INPP4A: variants seen among roughly 807,000 people sequenced by gnomAD.
INPP4A encodes the protein inositol polyphosphate-4-phosphatase type I A, also known as inositol polyphosphate-4-phosphatase, type I, 107kD.
A neutral mutation model predicts 119.8 loss-of-function variants in INPP4A; 33 were observed. The ratio of observed to expected loss-of-function variants is 0.28; its 90% confidence interval spans 0.21 to 0.37. INPP4A has a LOEUF of 0.37. Ranked by LOEUF, INPP4A falls within the 10% of genes least tolerant of loss-of-function variation. The probability of loss-of-function intolerance (pLI) is 1.00; values close to 1 mark genes in which losing one functional copy is unlikely to be tolerated. For synonymous variants in INPP4A, 496 were observed against 500.7 expected, an observed-to-expected ratio of 0.99 and a Z score of 0.12; for missense variants, 956 against 1,289.9, an observed-to-expected ratio of 0.74 and a Z score of 3.97.
chr2:98,482,019 A>G (rs1228397767), intron 1 of INPP4A, among the ~76,000 whole-genome samples: 3 of 152,362 alleles, frequency 2.0e-5, no homozygotes, highest in East Asian at 1.9e-4. Flanking sequence ...CACACCTGTA[A>G]TCCCAGTTTT....
At chr2:98,508,574 G>A (rs561067251) in intron 1 of INPP4A, among the ~76,000 whole-genome samples, 32 of 152,288 alleles carry the variant, frequency 2.1e-4, no homozygotes, top group African/African-American at 7.5e-4. Flanking sequence ...CTTTGATGAG[G>A]GGGTTGAAAT....
In INPP4A at chr2:98,569,554, C is replaced by CA. The variant is rs1697084531; in HGVS notation, c.2518+889dup. On this transcript the variant is annotated intron_variant, in intron 22 of 24. Transcript: ENST00000409851. This position sits in a 1 kb window ranked among gnomAD's most constrained non-coding sequence, Gnocchi z 5.1. ...GTAGACCTTAGAGTTTAGAGATAGT[C>CA]AAACAGTACTGCTGGTGAACCTTCA... is the stretch of plus-strand genomic sequence containing the variant. 6.6e-6 allele frequency: 1 copy of CA among 152,354 alleles called. No individual in the cohort carries two copies. The highest frequency in any genetic ancestry group is 1.9e-4 in the East Asian group (1 of 5,188). The allele number at this position is 152,354 out of a possible 1,614,324, so 9.4% of individuals were successfully genotyped here.
intron 1 of INPP4A, among the ~76,000 whole-genome samples, chr2:98,461,915 C>G (rs1033841186): frequency 2.0e-5 from 3 of 152,238 alleles, no homozygotes; most frequent in Non-Finnish European, 2.9e-5. Context: ...TCTTTCCAGC[C>G]TGTGCTTCAC....
intron 13 of INPP4A, among the ~76,000 whole-genome samples, chr2:98,551,925 C>T (rs1575047865): frequency 6.6e-6 from 1 of 152,138 alleles, no homozygotes; most frequent in Non-Finnish European, 1.5e-5. Flanking sequence ...TTATCATCAC[C>T]GTTTAGTTGG....
chr2:98,572,941 A>T lies in INPP4A; in HGVS notation c.2631+14A>T, dbSNP rs1437545060. 1 of 1,549,976 alleles carries T rather than the reference A, an allele frequency of 6.5e-7. No individual in the cohort carries two copies. The highest frequency in any genetic ancestry group is 1.9e-5 in the Admixed American group (1 of 52,272). ...CAAGCTGCTGAGGTACTGGTTACAG[A>T]GAGGAAAAGGAGGCTATTGCGGTGC... On this transcript the variant is annotated intron_variant, in intron 23 of 24. Transcript: ENST00000409851.
At chr2:98,539,716 G>A in intron 10 of INPP4A, 41 bp downstream of exon 10, 8 of 1,575,556 alleles carry the variant, frequency 5.1e-6, no homozygotes, top group Non-Finnish European at 6.9e-6. Flanking sequence ...TCATACCCAT[G>A]TCATGTGCCC....
chr2:98,454,390 GT>G (rs1695739281), intron 1 of INPP4A, among the ~76,000 whole-genome samples: 1 of 152,104 alleles, frequency 6.6e-6, no homozygotes, highest in South Asian at 2.1e-4. Flanking sequence ...GTCTGTGTTT[GT>G]TTTTTGGGGG....
intron 4 of INPP4A, among the ~76,000 whole-genome samples, chr2:98,530,317 A>G (rs1243974889): frequency 6.6e-6 from 1 of 152,130 alleles, no homozygotes; most frequent in African/African-American, 2.4e-5. Flanking sequence ...GGTTCCCAAG[A>G]GAAAGGCCAA....
intron 11 of INPP4A, 45 bp from the exon 12 acceptor site, chr2:98,545,924 G>T: frequency 7.3e-7 from 1 of 1,370,228 alleles, no homozygotes; most frequent in South Asian, 1.3e-5. Context: ...CGTGAATGCA[G>T]CATGTATGCT....
intron 1 of INPP4A, among the ~76,000 whole-genome samples, chr2:98,502,614 ATG>A (rs1683329625): frequency 6.6e-6 from 1 of 152,178 alleles, no homozygotes; most frequent in South Asian, 2.1e-4. Flanking sequence ...GAAAGAGATA[ATG>A]GTGAAAGTAC....
At chr2:98,557,245 G>A (rs1694653625) in intron 16 of INPP4A, among the ~76,000 whole-genome samples, 1 of 152,194 alleles carries the variant, frequency 6.6e-6, no homozygotes, top group African/African-American at 2.4e-5. Context: ...TGACTTGCGT[G>A]TGCCATAAAA....
rs1270142241 is a variant in INPP4A, at chr2:98,559,473, C to G, written c.1833C>G (p.Pro611=). Residue 611 remains proline, a synonymous_variant, in exon 17 of 25, where the codon CCC becomes CCG. Coordinates refer to ENST00000409851, the MANE Select transcript of INPP4A (RefSeq NM_001134225.2). The stretch of plus-strand genomic sequence containing the variant: ...TCCATTTCTGTGCAGATTGCAGTCC[C>G]CCTCCTGAAGAGTCCAGCCCAGGTA... ...CHPHLTTHCS[P]PPEESSPGEW... is the part of the protein sequence containing the mutation. 3 of 1,613,906 alleles carry G rather than the reference C, an allele frequency of 1.9e-6. No homozygotes were observed. The highest frequency in any genetic ancestry group is 3.3e-5 in the Admixed American group (2 of 60,004).
chr2:98,453,974 G>A (rs968158833), intron 1 of INPP4A, among the ~76,000 whole-genome samples: 3 of 152,144 alleles, frequency 2.0e-5, no homozygotes, highest in Non-Finnish European at 4.4e-5. Flanking sequence ...GGGTGTGGTG[G>A]TGCACACCTG....
Position 98,520,239 on chromosome 2 carries a change from C to T in INPP4A, c.106+85C>T, listed in dbSNP as rs567840432. Reference sequence around the variant, plus strand: ...CACTGCAGCAGTGCTGGCAGGTACCCAATGATTCCCCATGACTACCCTAGA... The same window carrying T: ...CACTGCAGCAGTGCTGGCAGGTACCTAATGATTCCCCATGACTACCCTAGA... On this transcript the variant is annotated intron_variant, in intron 3 of 24. Transcript: ENST00000409851. 4.5e-5 allele frequency: 46 copies of T among 1,033,634 alleles called. No individual in the cohort carries two copies. In the South Asian group the frequency reaches 6.5e-4, roughly 15 times the overall value. The allele number at this position is 1,033,634 out of a possible 1,614,324, so 64.0% of individuals were successfully genotyped here.
chr2:98,564,812 C>T, intron 19 of INPP4A, 49 bp downstream of exon 19: 1 of 1,519,034 alleles, frequency 6.6e-7, no homozygotes, highest in East Asian at 2.4e-5. Context: ...TGTGTGGTTT[C>T]CATCCTTTCT....
chr2:98,573,058 G>C (rs1439635348), intron 23 of INPP4A, 131 bp downstream of exon 23: 4 of 686,796 alleles, frequency 5.8e-6, no homozygotes, highest in Non-Finnish European at 1.0e-5. Flanking sequence ...GAGTCACTGA[G>C]TACGTTCTGA....
intron 1 of INPP4A, among the ~76,000 whole-genome samples, chr2:98,475,545 A>G (rs1677034022): frequency 6.6e-6 from 1 of 152,228 alleles, no homozygotes; most frequent in Non-Finnish European, 1.5e-5. Context: ...ATATAGTGCA[A>G]AATACATTTA....
At chr2:98,458,128 G>A (rs1331827054) in intron 1 of INPP4A, among the ~76,000 whole-genome samples, 5 of 151,918 alleles carry the variant, frequency 3.3e-5, no homozygotes, top group African/African-American at 9.7e-5. Flanking sequence ...CTAACTTAAC[G>A]TTTAAACAAG....
At chr2:98,485,387 G>A (rs1190520095) in intron 1 of INPP4A, among the ~76,000 whole-genome samples, 1 of 152,156 alleles carries the variant, frequency 6.6e-6, no homozygotes, top group Non-Finnish European at 1.5e-5. Flanking sequence ...AGTCAGAACT[G>A]ATTTTAGTTA....
Sources: allele counts gnomAD v4.1 joint callset (sites outside exome capture counted in the v4.1 genomes callset), GRCh38; gene constraint gnomAD v4.1.1; non-coding constraint Gnocchi (gnomAD v3.1); transcripts MANE v1.5; gene names NCBI Gene and HGNC (gene_info 2026-07-23, HGNC 2026-07-21).